DUSP14: variants seen among roughly 807,000 people sequenced by gnomAD.
DUSP14 encodes the protein dual specificity protein phosphatase 14.
In DUSP14, 5 loss-of-function variants were observed where a neutral mutation model predicts 13.2. The ratio of observed to expected loss-of-function variants is 0.38; its 90% CI spans 0.20 to 0.80. The LOEUF is 0.80. Ranked by LOEUF, DUSP14 falls within the 30% of genes least tolerant of loss-of-function variation. The pLI is 0.44. For synonymous variants in DUSP14, 91 were observed against 103.4 expected, an observed-to-expected ratio of 0.88 and a Z score of 0.73; for missense variants, 185 against 264.0, an observed-to-expected ratio of 0.70 and a Z score of 2.07.
At position 37,489,929 on chromosome 17, in the gene DUSP14, C is replaced by A. The variant is rs1448758630; in HGVS notation, c.-210C>A. 2.3e-5 allele frequency: 2 copies of A among 87,164 alleles called. No individual in the cohort carries two copies. The highest frequency in any genetic ancestry group is 4.5e-5 in the Non-Finnish European group (2 of 44,922). 5.4% of individuals were successfully genotyped at this position (87,164 alleles called of 1,614,324 possible). ...GCCGCGCAGGAGGACGGAGCCCTAACCGCAACCCGCTCCGCGCCGCGCCGC... is the reference window on the plus strand; with the variant it reads ...GCCGCGCAGGAGGACGGAGCCCTAAACGCAACCCGCTCCGCGCCGCGCCGC... On this transcript the variant is annotated 5_prime_UTR_variant, in exon 1 of 3. Coordinates refer to ENST00000617516, the MANE Select transcript of DUSP14 (RefSeq NM_007026.4).
intron 1 of DUSP14, among the ~76,000 whole-genome samples, chr17:37,509,261 A>AG (rs1319791452): frequency 0.014 from 432 of 30,576 alleles, 33 homozygotes; most frequent in African/African-American, 0.038. Context: ...ATATATATAT[A>AG]TATATATATA....
intron 1 of DUSP14, among the ~76,000 whole-genome samples, chr17:37,500,963 A>T (rs1240834159): frequency 6.6e-6 from 1 of 150,884 alleles, no homozygotes; most frequent in East Asian, 2.0e-4. Flanking sequence ...AGTGAAATGT[A>T]CATTTTGGTA....
chr17:37,509,117 A>G (rs868512370), intron 1 of DUSP14, among the ~76,000 whole-genome samples: 1 of 40,798 alleles, frequency 2.5e-5, no homozygotes, highest in African/African-American at 1.1e-4. Flanking sequence ...ATATATATAT[A>G]TATATATATA....
At chr17:37,494,972 T>G (rs891942051) in intron 1 of DUSP14, among the ~76,000 whole-genome samples, 1 of 152,194 alleles carries the variant, frequency 6.6e-6, no homozygotes, top group Non-Finnish European at 1.5e-5. Flanking sequence ...TTTTTCAGAT[T>G]CTCTAAAATA....
At chr17:37,493,076 C>T (rs1035202125) in intron 1 of DUSP14, among the ~76,000 whole-genome samples, 2 of 152,012 alleles carry the variant, frequency 1.3e-5, no homozygotes, top group Admixed American at 1.3e-4. Context: ...TAAATTTCTG[C>T]AGCATGCTAT....
At chr17:37,497,153 A>ATT (rs201019416) in intron 1 of DUSP14, among the ~76,000 whole-genome samples, 2 of 141,146 alleles carry the variant, frequency 1.4e-5, no homozygotes, top group Admixed American at 1.4e-4. Context: ...TTCAAACTGC[A>ATT]TTTTTTTTTT....
At chr17:37,509,139 A>ATATATATATATATG (rs1568204473) in intron 1 of DUSP14, among the ~76,000 whole-genome samples, 3 of 63,100 alleles carry the variant, frequency 4.8e-5, no homozygotes, top group Admixed American at 2.3e-4. Context: ...ACACACACAC[A>ATATATATATATATG]CACACACACA....
intron 1 of DUSP14, among the ~76,000 whole-genome samples, chr17:37,491,008 CAGAG>C (rs1018250024): frequency 6.6e-6 from 1 of 152,140 alleles, no homozygotes; most frequent in African/African-American, 2.4e-5. Flanking sequence ...ACTTAAGAGT[CAGAG>C]AGGCCGAGGC....
intron 1 of DUSP14, among the ~76,000 whole-genome samples, chr17:37,509,133 A>ATATATATG (rs1195715658): frequency 2.8e-5 from 1 of 35,266 alleles, no homozygotes; most frequent in African/African-American, 1.6e-4. Context: ...ATATATACAC[A>ATATATATG]CACACACACA....
At chr17:37,509,264 T>C (rs2054163528) in intron 1 of DUSP14, among the ~76,000 whole-genome samples, 1 of 27,964 alleles carries the variant, frequency 3.6e-5, no homozygotes, top group African/African-American at 1.3e-4. Flanking sequence ...TATATATATA[T>C]ATATATATAT....
intron 1 of DUSP14, among the ~76,000 whole-genome samples, chr17:37,492,889 C>T (rs948101771): frequency 1.1e-4 from 17 of 152,080 alleles, no homozygotes; most frequent in Non-Finnish European, 2.1e-4. Flanking sequence ...TTTTTATCCC[C>T]TAAATATAAA....
rs193160757 is a variant in DUSP14 at position 37,511,519 on chromosome 17, G to A, written c.-92-662G>A. ...TGGTCTCGAACTCCTGACCTCAGGT[G>A]ATCCACCCGCCTCAGCCTCCCAAAG... is the stretch of plus-strand genomic sequence containing the variant. On this transcript the variant is annotated intron_variant, in intron 2 of 2. Transcript: ENST00000617516. 4.5e-3 allele frequency among the ~76,000 whole-genome samples: 684 copies of A among 150,666 alleles called. 3 individuals carry two copies. Among genetic ancestry groups the A allele is most frequent in the African/African-American group, 0.016 (647 of 40,848 alleles).
At chr17:37,511,903 G>A (rs919856913) in intron 2 of DUSP14, among the ~76,000 whole-genome samples, 43 of 126,780 alleles carry the variant, frequency 3.4e-4, no homozygotes, top group Admixed American at 1.3e-3. Context: ...TTACATGTAT[G>A]AGCCACCATG....
At chr17:37,490,341 C>A (rs1033364253) in intron 1 of DUSP14, among the ~76,000 whole-genome samples, 3 of 152,192 alleles carry the variant, frequency 2.0e-5, no homozygotes, top group Non-Finnish European at 4.4e-5. Flanking sequence ...GGCATCCACC[C>A]GCTCTGGAGC....
intron 1 of DUSP14, among the ~76,000 whole-genome samples, chr17:37,502,191 T>G (rs964979898): frequency 1.3e-5 from 2 of 150,570 alleles, no homozygotes; most frequent in South Asian, 2.1e-4. Context: ...AAGTCCCTGT[T>G]TTTTTTTTAA....
At chr17:37,496,684 C>T (rs923125968) in intron 1 of DUSP14, among the ~76,000 whole-genome samples, 18 of 151,900 alleles carry the variant, frequency 1.2e-4, no homozygotes, top group African/African-American at 4.4e-4. Flanking sequence ...ACCTGGGAGG[C>T]GGAGGTTCAA....
chr17:37,510,201 C>T (rs999612109), intron 1 of DUSP14: 1 of 152,342 alleles, frequency 6.6e-6, no homozygotes, highest in Non-Finnish European at 1.5e-5. Context: ...GCACACTGTC[C>T]TCCACCTTGT....
At chr17:37,505,635 C>CTTTT (rs35707292) in intron 1 of DUSP14, among the ~76,000 whole-genome samples, 1 of 120,962 alleles carries the variant, frequency 8.3e-6, no homozygotes, top group Non-Finnish European at 1.7e-5. Context: ...TGGTTGTCAT[C>CTTTT]TTTTTTTTTT....
chr17:37,512,245 C>T lies in DUSP14; in HGVS notation c.-28C>T, dbSNP rs199659159. ...TAAAACACTCTGGTCTTGCCGCCAA[C>T]GATGCAAGTGTGACTGCTGGCGTCT... On this transcript the variant is annotated 5_prime_UTR_variant, in exon 3 of 3. It adds an upstream start codon to the 5' untranslated region. Transcript: ENST00000617516. The surrounding 1 kb of genome is among the most constrained non-coding windows in gnomAD (Gnocchi z 4.8). The T allele has an allele frequency of 1.2e-5, 18 of 1,551,146 alleles. No individual in the cohort carries two copies. The East Asian group carries it at 2.3e-4, about 19-fold the overall frequency.
Sources: allele counts gnomAD v4.1 joint callset (sites outside exome capture counted in the v4.1 genomes callset), GRCh38; gene constraint gnomAD v4.1.1; non-coding constraint Gnocchi (gnomAD v3.1); transcripts MANE v1.5; gene names NCBI Gene and HGNC (gene_info 2026-07-23, HGNC 2026-07-21).